Variants in SCARA3 observed in about 807,000 individuals in gnomAD.
SCARA3 encodes the protein cellular stress response gene protein.
SCARA3 carries 39 observed loss-of-function variants against 47.0 expected under a neutral mutation model. The ratio of observed to expected loss-of-function variants is 0.83; its 90% CI spans 0.64 to 1.08. SCARA3 has a LOEUF of 1.08. SCARA3 is among the 50% of genes least tolerant of loss of function. SCARA3 has a pLI of 0.00. For missense variants in SCARA3, 724 were observed against 792.3 expected (o/e 0.91, Z 1.04); for synonymous variants, 356 against 334.1 (o/e 1.07, Z -0.71).
the SCARA3 span, among the ~76,000 whole-genome samples, chr8:27,695,149 G>A: frequency 6.6e-6 from 1 of 152,194 alleles, no homozygotes; most frequent in Admixed American, 6.5e-5. Context: ...TCAGGCATCA[G>A]ACTGAGACAT....
chr8:27,715,871 T>G, the SCARA3 span, among the ~76,000 whole-genome samples: 1 of 141,430 alleles, frequency 7.1e-6, no homozygotes, highest in Admixed American at 6.9e-5. This position sits in a 1 kb window ranked among gnomAD's most constrained non-coding sequence, Gnocchi z 4.2. Flanking sequence ...GATACATAGA[T>G]AGATAGATAG....
rs1802203843 is a variant in SCARA3, at chr8:27,672,985, G to A, written c.*1634G>A. 1 of 985,494 alleles carries A rather than the reference G, an allele frequency of 1.0e-6. No individual in the cohort carries two copies. The highest frequency in any genetic ancestry group is 1.2e-6 in the Non-Finnish European group (1 of 829,964). 61.0% of individuals were successfully genotyped at this position (985,494 alleles called of 1,614,324 possible). A position where few individuals can be genotyped will look rare whatever the true frequency, so the allele number is the denominator to read the frequency against. On this transcript the variant is annotated 3_prime_UTR_variant, in exon 6 of 6. Transcript: ENST00000301904. Reference sequence around the variant, plus strand: ...ACATATGATAATACCATTCTGCATAGTATTACTGACTCAGTAAAGAGCTAT... The same window carrying A: ...ACATATGATAATACCATTCTGCATAATATTACTGACTCAGTAAAGAGCTAT...
chr8:27,672,523 A>T lies in SCARA3; in HGVS notation c.*1172A>T. ...ACAGGGCAGCTCTCGCCTCCCGCAC[A>T]CGGCTCTCCTGATCACAGCTGCATG... On this transcript the variant is annotated 3_prime_UTR_variant, in exon 6 of 6. Transcript: ENST00000301904. 3.0e-6 allele frequency: 3 copies of T among 985,696 alleles called. No individual in the cohort carries two copies. The highest frequency in any genetic ancestry group is 3.6e-6 in the Non-Finnish European group (3 of 830,158). 61.1% of individuals were successfully genotyped at this position (985,696 alleles called of 1,614,324 possible).
chr8:27,697,694 G>C, the SCARA3 span, among the ~76,000 whole-genome samples: 1 of 152,126 alleles, frequency 6.6e-6, no homozygotes, highest in Non-Finnish European at 1.5e-5. Flanking sequence ...CTTGAATCAT[G>C]GGTGTGGTTT....
chr8:27,696,745 C>T, the SCARA3 span, among the ~76,000 whole-genome samples: 1 of 150,884 alleles, frequency 6.6e-6, no homozygotes, highest in African/African-American at 2.4e-5. Context: ...GATTATAGGC[C>T]CTTTTAGATT....
At position 27,634,213 on chromosome 8, in the gene SCARA3, G is replaced by C. The variant is rs761997320; in HGVS notation, c.7+6G>C. The C allele has an allele frequency of 4.4e-6, 6 of 1,371,902 alleles. No individual in the cohort carries two copies. The highest frequency in any genetic ancestry group is 5.6e-6 in the Non-Finnish European group (6 of 1,064,070). The allele number at this position is 1,371,902 out of a possible 1,614,324, so 85.0% of individuals were successfully genotyped here. ...AGAGGAAGAGACCATGAAAGGTAAG[G>C]GCGGCCTGTCGGGGGCAGCTCCGAG... On this transcript the variant is annotated splice_donor_region_variant and intron_variant, in intron 1 of 5. Coordinates refer to ENST00000301904, the MANE Select transcript of SCARA3 (RefSeq NM_016240.3).
the SCARA3 span, among the ~76,000 whole-genome samples, chr8:27,718,997 G>A: frequency 1.3e-5 from 2 of 152,174 alleles, no homozygotes; most frequent in Admixed American, 1.3e-4. Flanking sequence ...GACTTTAGCA[G>A]GCATTCCAAT....
chr8:27,665,815 G>T (rs1260879682), intron 5 of SCARA3, among the ~76,000 whole-genome samples: 1 of 152,202 alleles, frequency 6.6e-6, no homozygotes, highest in Non-Finnish European at 1.5e-5. Flanking sequence ...CTGCATAAGG[G>T]ATTATTATTA....
At chr8:27,648,769 C>T (rs1198349783) in intron 1 of SCARA3, among the ~76,000 whole-genome samples, 3 of 145,940 alleles carry the variant, frequency 2.1e-5, no homozygotes, top group African/African-American at 7.6e-5. Flanking sequence ...AAGGACCCAA[C>T]AAAACGGCAA....
intron 1 of SCARA3, among the ~76,000 whole-genome samples, chr8:27,638,906 T>A (rs1297175108): frequency 1.3e-5 from 2 of 152,150 alleles, no homozygotes; most frequent in Non-Finnish European, 2.9e-5. Context: ...GCGTCCTCGG[T>A]TTCAGCCACA....
the SCARA3 span, among the ~76,000 whole-genome samples, chr8:27,689,912 C>A: frequency 6.6e-6 from 1 of 152,068 alleles, no homozygotes. Context: ...TTTCTTGAGG[C>A]CAGGAATTCA....
rs934254846 is a variant in SCARA3, at chr8:27,671,621, C to T, written c.*270C>T. 3 of 1,175,912 alleles carry T rather than the reference C, an allele frequency of 2.6e-6. No individual in the cohort carries two copies. The highest frequency in any genetic ancestry group is 1.6e-5 in the African/African-American group (1 of 62,946). The allele number at this position is 1,175,912 out of a possible 1,614,324, so 72.8% of individuals were successfully genotyped here. On this transcript the variant is annotated 3_prime_UTR_variant, in exon 6 of 6. Coordinates refer to ENST00000301904, the MANE Select transcript of SCARA3 (RefSeq NM_016240.3). Reference sequence around the variant, plus strand: ...ATGCACACATACACATGCATGCACACATACACAGGCATACATGCATGCACA... The same window carrying T: ...ATGCACACATACACATGCATGCACATATACACAGGCATACATGCATGCACA...
At chr8:27,719,152 GA>G in the SCARA3 span, among the ~76,000 whole-genome samples, 1 of 152,144 alleles carries the variant, frequency 6.6e-6, no homozygotes, top group Non-Finnish European at 1.5e-5. Context: ...GCAGAATGAA[GA>G]TTATCCTTTG....
the SCARA3 span, among the ~76,000 whole-genome samples, chr8:27,704,271 C>A: frequency 6.6e-6 from 1 of 151,936 alleles, no homozygotes; most frequent in African/African-American, 2.4e-5. Context: ...CACAGCAAGA[C>A]CTTGTCTCTA....
chr8:27,686,264 G>A, the SCARA3 span, among the ~76,000 whole-genome samples: 2 of 151,856 alleles, frequency 1.3e-5, no homozygotes, highest in African/African-American at 2.4e-5. Context: ...AACATAGGGA[G>A]GCCCCTTCTC....
chr8:27,635,818 CT>C (rs2128913549), intron 1 of SCARA3, among the ~76,000 whole-genome samples: 2 of 152,266 alleles, frequency 1.3e-5, no homozygotes, highest in African/African-American at 4.8e-5. Context: ...ACACACTTTC[CT>C]TTTACACTGG....
At chr8:27,634,308 A>G (rs1801200027) in intron 1 of SCARA3, 101 bp downstream of exon 1, 4 of 1,084,644 alleles carry the variant, frequency 3.7e-6, no homozygotes, top group South Asian at 7.6e-5. Flanking sequence ...GGCTGAGAGG[A>G]GGGCAGGGCG....
chr8:27,653,883 A>G (rs538398500), intron 3 of SCARA3, among the ~76,000 whole-genome samples: 3 of 152,092 alleles, frequency 2.0e-5, no homozygotes, highest in African/African-American at 7.2e-5. Flanking sequence ...CATAGTAAAT[A>G]TTTTAGGCTT....
At chr8:27,698,846 T>A in the SCARA3 span, among the ~76,000 whole-genome samples, 1 of 152,170 alleles carries the variant, frequency 6.6e-6, no homozygotes, top group Non-Finnish European at 1.5e-5. Flanking sequence ...ATTGCTGAAA[T>A]TTTTAAATAT....
Sources: allele counts gnomAD v4.1 joint callset (sites outside exome capture counted in the v4.1 genomes callset), GRCh38; gene constraint gnomAD v4.1.1; non-coding constraint Gnocchi (gnomAD v3.1); transcripts MANE v1.5; gene names NCBI Gene and HGNC (gene_info 2026-07-23, HGNC 2026-07-21).